NDUFA10: variants seen among roughly 807,000 people sequenced by gnomAD.
NDUFA10 encodes NADH:ubiquinone oxidoreductase subunit A10, also known as NADH dehydrogenase [ubiquinone] 1 alpha subcomplex subunit 10, mitochondrial.
A neutral mutation model predicts 47.8 loss-of-function variants in NDUFA10; 40 were observed. That is an observed-to-expected ratio of 0.84 (90% CI 0.65 to 1.09). The LOEUF is 1.09. Ranked by LOEUF, NDUFA10 falls within the 50% of genes least tolerant of loss-of-function variation. The pLI is 0.00. For synonymous variants in NDUFA10, 183 were observed against 172.2 expected (o/e 1.06, Z -0.49); for missense variants, 413 against 451.1 (o/e 0.92, Z 0.76).
chr2:239,953,607 TCACA>T (rs1455312779), downstream of NDUFA10, among the ~76,000 whole-genome samples: 1 of 152,056 alleles, frequency 6.6e-6, no homozygotes, highest in Non-Finnish European at 1.5e-5. Flanking sequence ...CTCTGGACAC[TCACA>T]GTTTGCTCTC....
intron 8 of NDUFA10, among the ~76,000 whole-genome samples, chr2:239,993,199 G>C (rs1023569035): frequency 1.3e-5 from 2 of 152,144 alleles, no homozygotes; most frequent in Non-Finnish European, 2.9e-5. Flanking sequence ...GTGCAGAATC[G>C]AACCAACACA....
chr2:240,015,853 A>C (rs1249573100), intron 4 of NDUFA10, among the ~76,000 whole-genome samples: 1 of 152,102 alleles, frequency 6.6e-6, no homozygotes, highest in Non-Finnish European at 1.5e-5. Context: ...AAAGACAACT[A>C]TTTTGCTTTA....
At chr2:239,920,157 C>T (rs548111711) in intron 4 of NDUFA10, among the ~76,000 whole-genome samples, 1 of 152,206 alleles carries the variant, frequency 6.6e-6, no homozygotes, top group Non-Finnish European at 1.5e-5. Flanking sequence ...CATGATGGGA[C>T]TGGGACAGCA....
At chr2:239,948,048 T>C (rs920792213) in intron 4 of NDUFA10, among the ~76,000 whole-genome samples, 1 of 151,982 alleles carries the variant, frequency 6.6e-6, no homozygotes, top group Admixed American at 6.6e-5. Context: ...GTGGAGGAGG[T>C]GAGGTCGGGG....
intron 9 of NDUFA10, chr2:239,983,599 C>G: frequency 6.3e-7 from 1 of 1,592,854 alleles, no homozygotes; most frequent in Non-Finnish European, 8.5e-7. Flanking sequence ...ACCCAGCAAG[C>G]ACGACCTCAG....
rs1039692383 is a variant in NDUFA10 at position 239,922,085 on chromosome 2, G to C, written c.295-26771C>G. ...TCCTTCTTTCCTTCCTTCCTTGCTTGTTTCCTTCCTTCCTCCCTTCCTCCC... is the reference window on the plus strand; with the variant it reads ...TCCTTCTTTCCTTCCTTCCTTGCTTCTTTCCTTCCTTCCTCCCTTCCTCCC... On this transcript the variant is annotated intron_variant, in intron 4 of 5. Coordinates refer to the NDUFA10 transcript ENST00000419408. 1.2e-4 allele frequency among the ~76,000 whole-genome samples: 12 copies of C among 101,428 alleles called. No individual in the cohort carries two copies. The East Asian group carries it at 3.8e-3, about 32-fold the overall frequency. 66.5% of individuals were successfully genotyped at this position (101,428 alleles called of 152,430 possible).
chr2:239,953,949 G>A (rs565195233), downstream of NDUFA10, among the ~76,000 whole-genome samples: 18 of 152,268 alleles, frequency 1.2e-4, no homozygotes, highest in African/African-American at 4.3e-4. Flanking sequence ...CTGCTGGGCT[G>A]GGCTAGGCTG....
At chr2:239,983,750 G>A (rs547010282) in intron 9 of NDUFA10, 12 of 1,545,546 alleles carry the variant, frequency 7.8e-6, no homozygotes, top group Non-Finnish European at 9.6e-6. Flanking sequence ...TCAACTGAGG[G>A]AGAGTCTACA....
chr2:239,898,278 G>A (rs951725245), intron 4 of NDUFA10, among the ~76,000 whole-genome samples: 24 of 152,344 alleles, frequency 1.6e-4, no homozygotes, highest in African/African-American at 5.3e-4. Flanking sequence ...AGTCTACAGT[G>A]GCATTTCCTA....
rs1247225022 is a variant in NDUFA10, at chr2:239,938,549, T to C, written c.295-43235A>G. Among the ~76,000 whole-genome samples, 7 of 152,362 alleles carry C rather than the reference T, an allele frequency of 4.6e-5. No homozygotes were observed. In the East Asian group the frequency reaches 9.6e-4, roughly 21 times the overall value. On this transcript the variant is annotated intron_variant, in intron 4 of 5. Transcript: ENST00000419408. ...CTTCCAGGATGCCCTGGGAGGCGGC[T>C]ACTTCCAGGGCAGCGTCTCTTCCTG...
rs1396849056 is a variant in NDUFA10 at position 240,014,733 on chromosome 2, C to A, written c.669+6G>T. On this transcript the variant is annotated splice_donor_region_variant and intron_variant, in intron 5 of 9. Coordinates refer to ENST00000252711, the MANE Select transcript of NDUFA10 (RefSeq NM_004544.4). ...ATGCTTGGCCTTTGATTGAAAACTGCATTACATCTCCTTTCTTCTGAATCC... is the reference window on the plus strand; with the variant it reads ...ATGCTTGGCCTTTGATTGAAAACTGAATTACATCTCCTTTCTTCTGAATCC... The A allele has an allele frequency of 6.2e-7, 1 of 1,614,084 alleles. No homozygotes were observed. Among genetic ancestry groups the A allele is most frequent in the Non-Finnish European group, 8.5e-7 (1 of 1,180,020 alleles).
chr2:239,977,445 C>T (rs1394016728), intron 9 of NDUFA10, among the ~76,000 whole-genome samples: 2 of 152,184 alleles, frequency 1.3e-5, no homozygotes, highest in African/African-American at 2.4e-5. Flanking sequence ...GCTTCCCAGA[C>T]ACCTAGAAGA....
chr2:239,912,225 G>A (rs745532635), intron 4 of NDUFA10, among the ~76,000 whole-genome samples: 5 of 152,140 alleles, frequency 3.3e-5, no homozygotes, highest in Non-Finnish European at 7.4e-5. Context: ...GGCTCCCCTG[G>A]CTCCATAGAA....
At chr2:239,964,102 C>T (rs374787236) in intron 9 of NDUFA10, among the ~76,000 whole-genome samples, 26 of 152,222 alleles carry the variant, frequency 1.7e-4, no homozygotes, top group African/African-American at 4.3e-4. Flanking sequence ...GGCTGGTAGG[C>T]GGGGTCTCTG....
chr2:239,902,694 C>T (rs1392301769), intron 4 of NDUFA10, among the ~76,000 whole-genome samples: 2 of 152,154 alleles, frequency 1.3e-5, no homozygotes, highest in Non-Finnish European at 2.9e-5. Flanking sequence ...GGAACGGCCT[C>T]GTTCTGTGCA....
chr2:239,947,569 C>T (rs1357970946), intron 4 of NDUFA10, among the ~76,000 whole-genome samples: 1 of 152,146 alleles, frequency 6.6e-6, no homozygotes, highest in African/African-American at 2.4e-5. Context: ...AGGGACGGCT[C>T]CTGACTCTCT....
chr2:239,902,240 C>T (rs1265141551), intron 4 of NDUFA10, among the ~76,000 whole-genome samples: 1 of 152,128 alleles, frequency 6.6e-6, no homozygotes, highest in Non-Finnish European at 1.5e-5. Flanking sequence ...ACAGATGCAG[C>T]AAACTTCATT....
At chr2:239,901,075 G>T (rs1390512145) in intron 4 of NDUFA10, among the ~76,000 whole-genome samples, 1 of 152,160 alleles carries the variant, frequency 6.6e-6, no homozygotes, top group Non-Finnish European at 1.5e-5. Flanking sequence ...GTCAATGCAG[G>T]GCTTCAAAGG....
intron 4 of NDUFA10, among the ~76,000 whole-genome samples, chr2:239,937,462 T>A (rs1301317034): frequency 4.6e-5 from 7 of 152,206 alleles, no homozygotes; most frequent in Non-Finnish European, 8.8e-5. Context: ...ACTGGCATCA[T>A]ACACTATGTG....
Sources: allele counts gnomAD v4.1 joint callset (sites outside exome capture counted in the v4.1 genomes callset), GRCh38; gene constraint gnomAD v4.1.1; transcripts MANE v1.5; gene names NCBI Gene and HGNC (gene_info 2026-07-23, HGNC 2026-07-21).